The following PHACTR2 variants were observed in gnomAD, a reference collection of about 807,000 sequenced individuals.
The protein encoded by PHACTR2 is phosphatase and actin regulator 2, also known as chromosome 6 open reading frame 56.
A neutral mutation model predicts 76.0 loss-of-function variants in PHACTR2; 30 were observed. That is an observed-to-expected ratio of 0.39 (90% CI 0.30 to 0.54). PHACTR2 has a LOEUF of 0.54. Among genes scored for constraint, PHACTR2 ranks in the 20% least tolerant of loss-of-function variants. The pLI is 0.61. For missense variants in PHACTR2, 696 were observed against 781.1 expected (o/e 0.89, Z 1.30); for synonymous variants, 292 against 292.5 (o/e 1.00, Z 0.02).
chr6:143,606,515 A>G (rs1007202612), upstream of PHACTR2, among the ~76,000 whole-genome samples: 3 of 152,226 alleles, frequency 2.0e-5, no homozygotes, highest in Non-Finnish European at 4.4e-5. Flanking sequence ...AAGCTAATAT[A>G]AATATATTCA....
In PHACTR2 at chr6:143,795,835, A is replaced by G. The variant is rs1406776103; in HGVS notation, c.1845+6925A>G. ...ATATCTCTAGAATTCCTGCTTGTCA[A>G]TAAATGGTAGCTATTACCAATATTA... On this transcript the variant is annotated intron_variant, in intron 11 of 12. Coordinates refer to ENST00000440869, the MANE Select transcript of PHACTR2 (RefSeq NM_001100164.2). The surrounding 1 kb of genome is among the most constrained non-coding windows in gnomAD (Gnocchi z 4.8). 6.6e-6 allele frequency among the ~76,000 whole-genome samples: 1 copy of G among 152,228 alleles called. No homozygotes were observed. The highest frequency in any genetic ancestry group is 1.5e-5 in the Non-Finnish European group (1 of 68,042).
At chr6:143,718,442 G>C (rs1477202436) in intron 2 of PHACTR2, among the ~76,000 whole-genome samples, 1 of 152,216 alleles carries the variant, frequency 6.6e-6, no homozygotes, top group Non-Finnish European at 1.5e-5. Flanking sequence ...AGGTCCCATA[G>C]CCAGTACTTT....
rs1397165673 is a variant in PHACTR2 at position 143,807,122 on chromosome 6, A to G, written c.1911A>G (p.Arg637=). ...AAATGGAAGTTCATGAAGAGAGTCGACAGTTTACAAGGTAGGTGACAAAAT... is the reference window on the plus strand; with the variant it reads ...AAATGGAAGTTCATGAAGAGAGTCGGCAGTTTACAAGGTAGGTGACAAAAT... ...STEMEVHEES[R]QFTRFHRP is the part of the protein sequence containing the mutation. Residue 637 remains arginine (R), a synonymous_variant, in exon 12 of 13, where the codon CGA becomes CGG. Coordinates refer to ENST00000440869, the MANE Select transcript of PHACTR2 (RefSeq NM_001100164.2). The surrounding 1 kb of genome is among the most constrained non-coding windows in gnomAD (Gnocchi z 5.5). 6.2e-7 allele frequency: 1 copy of G among 1,600,642 alleles called. No homozygotes were observed. The highest frequency in any genetic ancestry group is 8.6e-7 in the Non-Finnish European group (1 of 1,168,644).
intron 1 of PHACTR2, among the ~76,000 whole-genome samples, chr6:143,614,442 C>T (rs981597602): frequency 6.6e-6 from 1 of 152,154 alleles, no homozygotes; most frequent in Non-Finnish European, 1.5e-5. Context: ...CTTATTCTTC[C>T]TCTCCGGAGT....
chr6:143,689,137 G>A lies in PHACTR2; in HGVS notation c.46+10928G>A, dbSNP rs535744638. Among the ~76,000 whole-genome samples, 41 of 152,178 alleles carry A rather than the reference G, an allele frequency of 2.7e-4. No homozygotes were observed. The South Asian group carries it at 6.9e-3, about 25-fold the overall frequency. On this transcript the variant is annotated intron_variant, in intron 1 of 12. Coordinates refer to ENST00000440869, the MANE Select transcript of PHACTR2 (RefSeq NM_001100164.2). This position sits in a 1 kb window ranked among gnomAD's most constrained non-coding sequence, Gnocchi z 4.4. ...CTTCGCCAAGCTGACTCCTTGTTTC[G>A]GCTGGATCCTTGTGCTTCATAGAGA... is the stretch of plus-strand genomic sequence containing the variant.
intron 11 of PHACTR2, among the ~76,000 whole-genome samples, chr6:143,802,230 T>A (rs766681012): frequency 6.6e-6 from 1 of 152,178 alleles, no homozygotes; most frequent in Non-Finnish European, 1.5e-5. Context: ...GTTTCTACTC[T>A]AGAAATACCT....
intron 1 of PHACTR2, among the ~76,000 whole-genome samples, chr6:143,612,016 G>C (rs771128242): frequency 3.9e-4 from 59 of 152,180 alleles, no homozygotes; most frequent in Admixed American, 1.4e-3. Context: ...TTCAGAGAAA[G>C]ACAGTGAGTT....
At chr6:143,565,996 G>A (rs757892726) in intron 1 of PHACTR2, among the ~76,000 whole-genome samples, 1 of 152,164 alleles carries the variant, frequency 6.6e-6, no homozygotes, top group Non-Finnish European at 1.5e-5. Flanking sequence ...GGAGGCTTGT[G>A]GGGGGTTATC....
rs572808619 is a variant in PHACTR2, at chr6:143,689,219, T to C, written c.46+11010T>C. On this transcript the variant is annotated intron_variant, in intron 1 of 12. Transcript: ENST00000440869. This position sits in a 1 kb window ranked among gnomAD's most constrained non-coding sequence, Gnocchi z 4.4. ...CACCCAGGTCCCACCCACAGCTCTC[T>C]GTGCCTTCACTGCACTTAGCACTCA... is the stretch of plus-strand genomic sequence containing the variant. Among the ~76,000 whole-genome samples, 1 of 152,248 alleles carries C rather than the reference T, an allele frequency of 6.6e-6. No homozygotes were observed. Among genetic ancestry groups the C allele is most frequent in the Admixed American group, 6.5e-5 (1 of 15,294 alleles).
chr6:143,645,331 C>G (rs1038405457), intron 1 of PHACTR2, among the ~76,000 whole-genome samples: 5 of 151,768 alleles, frequency 3.3e-5, no homozygotes, highest in Non-Finnish European at 1.5e-5. Flanking sequence ...TGATGGAATA[C>G]TACTCAGCCA....
At chr6:143,637,346 G>A (rs574222421) in intron 1 of PHACTR2, among the ~76,000 whole-genome samples, 264 of 152,124 alleles carry the variant, frequency 1.7e-3, no homozygotes, top group Middle Eastern at 0.017. Flanking sequence ...GAAAAGGAAG[G>A]AAGGAAGGAA....
Position 143,783,415 on chromosome 6 carries a change from A to G in PHACTR2, c.1707+135A>G, listed in dbSNP as rs1472178550. 1.1e-5 allele frequency: 6 copies of G among 528,890 alleles called. No individual in the cohort carries two copies. Among genetic ancestry groups the G allele is most frequent in the Non-Finnish European group, 2.0e-5 (6 of 297,584 alleles). 32.8% of individuals were successfully genotyped at this position (528,890 alleles called of 1,614,324 possible). On this transcript the variant is annotated intron_variant, in intron 10 of 12. Transcript: ENST00000440869. This position sits in a 1 kb window ranked among gnomAD's most constrained non-coding sequence, Gnocchi z 5.2. ...CTATTAGTCTATAATCATAGACATC[A>G]AAATCACAAGCCTGGGCAACATGGT... is the stretch of plus-strand genomic sequence containing the variant.
chr6:143,613,202 C>T (rs1776008532), intron 1 of PHACTR2, among the ~76,000 whole-genome samples: 1 of 152,242 alleles, frequency 6.6e-6, no homozygotes, highest in African/African-American at 2.4e-5. Flanking sequence ...GTCTCAGTCT[C>T]CCGACCTCGT....
rs961477765 is a variant in PHACTR2 at position 143,680,245 on chromosome 6, G to A, written c.46+2036G>A. ...GACTGTCAAACTCTCTACTATTCCA[G>A]GTATTTTGTTCACTCCTTGTTAACT... On this transcript the variant is annotated intron_variant, in intron 1 of 12. Coordinates refer to ENST00000440869, the MANE Select transcript of PHACTR2 (RefSeq NM_001100164.2). The surrounding 1 kb of genome is among the most constrained non-coding windows in gnomAD (Gnocchi z 4.5). Among the ~76,000 whole-genome samples, 2 of 152,056 alleles carry A rather than the reference G, an allele frequency of 1.3e-5. No homozygotes were observed. Among genetic ancestry groups the A allele is most frequent in the Non-Finnish European group, 2.9e-5 (2 of 67,994 alleles).
chr6:143,731,207 A>G lies in PHACTR2; in HGVS notation c.215-17778A>G, dbSNP rs1778692717. On this transcript the variant is annotated intron_variant, in intron 2 of 12. Coordinates refer to ENST00000440869, the MANE Select transcript of PHACTR2 (RefSeq NM_001100164.2). This position sits in a 1 kb window ranked among gnomAD's most constrained non-coding sequence, Gnocchi z 4.9. ...TTTCAGTTTTTTTCTTTAGACCACT[A>G]TTATGGTTGATTACATTGGCAGATT... Among the ~76,000 whole-genome samples the G allele has an allele frequency of 6.6e-6, 1 of 152,160 alleles. No individual in the cohort carries two copies. Among genetic ancestry groups the G allele is most frequent in the Non-Finnish European group, 1.5e-5 (1 of 68,030 alleles).
chr6:143,706,594 T>A (rs1467252221), intron 1 of PHACTR2, among the ~76,000 whole-genome samples: 2 of 152,310 alleles, frequency 1.3e-5, no homozygotes, highest in East Asian at 3.9e-4. Flanking sequence ...TTGATCCCAA[T>A]ATACATGTTC....
rs187964223 is a variant in PHACTR2 at position 143,648,621 on chromosome 6, G to A, written c.13+40299G>A. Among the ~76,000 whole-genome samples, 412 of 152,258 alleles carry A rather than the reference G, an allele frequency of 2.7e-3. 2 individuals are homozygous for A. The highest frequency in any genetic ancestry group is 5.0e-3 in the Admixed American group (76 of 15,294). ...TGAGGTAGGAAGGAATGAAGAGCCC[G>A]GGAGGTTTAAAGTGCTCTGAAGCAC... On this transcript the variant is annotated intron_variant, in intron 1 of 11. Transcript: ENST00000305766. This position sits in a 1 kb window ranked among gnomAD's most constrained non-coding sequence, Gnocchi z 6.7.
At chr6:143,814,752 A>G (rs192193511) in intron 12 of PHACTR2, among the ~76,000 whole-genome samples, 2,285 of 151,868 alleles carry the variant, frequency 0.015, 51 homozygotes, top group African/African-American at 0.048. Flanking sequence ...ACAGGCGCCC[A>G]CCACTACGCC....
At position 143,598,705 on chromosome 6, in the gene PHACTR2, A is replaced by G. The variant is rs1011305568; in HGVS notation, c.217+61498A>G. On this transcript the variant is annotated intron_variant, in intron 1 of 11. Coordinates refer to the PHACTR2 transcript ENST00000367584. The surrounding 1 kb of genome is among the most constrained non-coding windows in gnomAD (Gnocchi z 4.1). The stretch of plus-strand genomic sequence containing the variant: ...TAGAACCTGGTTAACCTTGACTGTT[A>G]TCCAGTGCCTTTCCTGGCTTTGTCC... 6.6e-6 allele frequency among the ~76,000 whole-genome samples: 1 copy of G among 152,212 alleles called. No homozygotes were observed. Among genetic ancestry groups the G allele is most frequent in the African/African-American group, 2.4e-5 (1 of 41,442 alleles).
Sources: gnomAD v4.1 joint callset for allele counts (sites outside exome capture counted in the v4.1 genomes callset) on GRCh38, gnomAD v4.1.1 for gene constraint, Gnocchi (gnomAD v3.1) non-coding constraint, MANE v1.5 for transcripts, NCBI Gene and HGNC (gene_info 2026-07-23, HGNC 2026-07-21) for gene names.